The following PCDHGA1 variants were observed in gnomAD, a reference collection of about 807,000 sequenced individuals.
PCDHGA1 encodes protocadherin gamma-A1.
In PCDHGA1, 32 loss-of-function variants were observed where a neutral mutation model predicts 58.0. The ratio of observed to expected loss-of-function variants is 0.55; its 90% confidence interval spans 0.42 to 0.74. The LOEUF (loss-of-function observed/expected upper bound fraction) is 0.74. PCDHGA1 is among the 30% of genes least tolerant of loss of function. The pLI is 0.00. For missense variants in PCDHGA1, 1,205 were observed against 1,182.3 expected (o/e 1.02, Z -0.28); for synonymous variants, 498 against 501.1 (o/e 0.99, Z 0.08).
chr5:141,415,920 G>T, intron 1 of PCDHGA1: 1 of 692,798 alleles, frequency 1.4e-6, no homozygotes, highest in Non-Finnish European at 2.0e-6. Context: ...AGAAGTGCCT[G>T]TCAATTTATA....
chr5:141,476,665 C>T lies in PCDHGA1; in HGVS notation c.2422-18142C>T. On this transcript the variant is annotated intron_variant, in intron 1 of 3. Coordinates refer to ENST00000517417, the MANE Select transcript of PCDHGA1 (RefSeq NM_018912.3). This position sits in a 1 kb window ranked among gnomAD's most constrained non-coding sequence, Gnocchi z 7.6. ...GCCGAAATGAATACTTTGCGCTTCG[C>T]GTGCAGACGCGGGAGGACAGCACCA... 6.2e-7 allele frequency: 1 copy of T among 1,614,240 alleles called. No homozygotes were observed. Among genetic ancestry groups the T allele is most frequent in the East Asian group, 2.2e-5 (1 of 44,882 alleles).
chr5:141,370,033 T>C (rs887540311), intron 1 of PCDHGA1, among the ~76,000 whole-genome samples: 10 of 152,232 alleles, frequency 6.6e-5, no homozygotes, highest in African/African-American at 2.4e-4. Context: ...ATATAGTAAG[T>C]ATATTTAATG....
At chr5:141,429,408 T>A (rs2097213256) in intron 1 of PCDHGA1, among the ~76,000 whole-genome samples, 1 of 151,838 alleles carries the variant, frequency 6.6e-6, no homozygotes, top group Non-Finnish European at 1.5e-5. Flanking sequence ...GAGATTAAGG[T>A]CTCATTATGT....
chr5:141,447,389 C>T (rs1467715872), intron 1 of PCDHGA1, among the ~76,000 whole-genome samples: 1 of 152,150 alleles, frequency 6.6e-6, no homozygotes, highest in African/African-American at 2.4e-5. Context: ...CTGCCCACCT[C>T]GGCCTCCCAA....
intron 1 of PCDHGA1, among the ~76,000 whole-genome samples, chr5:141,448,516 A>T (rs1210489939): frequency 3.9e-5 from 6 of 152,152 alleles, no homozygotes; most frequent in Non-Finnish European, 8.8e-5. Flanking sequence ...TTATAACTTT[A>T]TTAAGCATCC....
Position 141,491,795 on chromosome 5 carries a change from C to T in PCDHGA1, c.2422-3012C>T. On this transcript the variant is annotated intron_variant, in intron 1 of 3. Coordinates refer to ENST00000517417, the MANE Select transcript of PCDHGA1 (RefSeq NM_018912.3). This position sits in a 1 kb window ranked among gnomAD's most constrained non-coding sequence, Gnocchi z 6.9. ...GGATTGAACTTGCATCCACTCCTCT[C>T]CGGCCGGCTTGGTCGCTGGCTGCGC... 6 of 1,511,694 alleles carry T rather than the reference C, an allele frequency of 4.0e-6. No individual in the cohort carries two copies. Among genetic ancestry groups the T allele is most frequent in the Non-Finnish European group, 5.3e-6 (6 of 1,130,430 alleles). 93.6% of individuals were successfully genotyped at this position (1,511,694 alleles called of 1,614,324 possible).
intron 1 of PCDHGA1, among the ~76,000 whole-genome samples, chr5:141,446,719 G>C (rs899985752): frequency 2.6e-5 from 4 of 152,056 alleles, no homozygotes; most frequent in Admixed American, 1.3e-4. Flanking sequence ...TGCCCGCCTC[G>C]GCCTCCCAAA....
At chr5:141,419,586 A>T (rs1440548961) in intron 1 of PCDHGA1, 1 of 1,611,696 alleles carries the variant, frequency 6.2e-7, no homozygotes, top group Non-Finnish European at 8.5e-7. Context: ...GCGCTCTTCG[A>T]CACAGTGCCG....
chr5:141,467,535 G>C (rs2099145685), intron 1 of PCDHGA1, among the ~76,000 whole-genome samples: 1 of 152,176 alleles, frequency 6.6e-6, no homozygotes, highest in South Asian at 2.1e-4. Flanking sequence ...GCTGAGATAT[G>C]GATCTGATTA....
At chr5:141,478,287 G>C (rs777542913) in intron 1 of PCDHGA1, 1 of 1,614,154 alleles carries the variant, frequency 6.2e-7, no homozygotes, top group South Asian at 1.1e-5. Context: ...AAGCAGTCTA[G>C]AGACCTATAC....
At chr5:141,388,793 T>A (rs1441605740) in intron 1 of PCDHGA1, 2 of 1,613,918 alleles carry the variant, frequency 1.2e-6, no homozygotes, top group Admixed American at 3.3e-5. Flanking sequence ...CTGTTTTAAA[T>A]ACATTAGATT....
At chr5:141,392,728 G>T in intron 1 of PCDHGA1, 1 of 1,407,730 alleles carries the variant, frequency 7.1e-7, no homozygotes, top group Non-Finnish European at 9.3e-7. Context: ...CCGGAGGATT[G>T]TCATCTCCAT....
At chr5:141,374,357 C>T (rs1490017184) in intron 1 of PCDHGA1, 1 of 1,614,018 alleles carries the variant, frequency 6.2e-7, no homozygotes, top group South Asian at 1.1e-5. Context: ...TAGGATAGAC[C>T]GCGAGGAGCT....
intron 1 of PCDHGA1, among the ~76,000 whole-genome samples, chr5:141,470,451 T>C (rs2099230860): frequency 6.6e-6 from 1 of 152,210 alleles, no homozygotes; most frequent in Non-Finnish European, 1.5e-5. Context: ...AATAGCATCT[T>C]GAATAGGATT....
chr5:141,462,431 T>G (rs1345184304), intron 1 of PCDHGA1, among the ~76,000 whole-genome samples: 1 of 152,246 alleles, frequency 6.6e-6, no homozygotes, highest in East Asian at 1.9e-4. Context: ...TGGTGAGTGT[T>G]GCTTACACAC....
chr5:141,398,087 G>T (rs1377881034), intron 1 of PCDHGA1: 1 of 1,599,430 alleles, frequency 6.3e-7, no homozygotes, highest in African/African-American at 1.3e-5. Flanking sequence ...TTGTAACCTG[G>T]CGTCTCCAGG....
chr5:141,399,165 T>C (rs1423083245), intron 1 of PCDHGA1: 1 of 1,613,774 alleles, frequency 6.2e-7, no homozygotes, highest in South Asian at 1.1e-5. Context: ...TTACATTCCA[T>C]TCTCTACTTG....
intron 1 of PCDHGA1, chr5:141,395,898 GC>G (rs1337402820): frequency 6.6e-6 from 1 of 151,994 alleles, no homozygotes; most frequent in Non-Finnish European, 1.5e-5. Context: ...TGGGCTCCAT[GC>G]CCATGGAGAC....
Position 141,432,123 on chromosome 5 carries a change from C to G in PCDHGA1, c.2422-62684C>G, listed in dbSNP as rs1224794803. On this transcript the variant is annotated intron_variant, in intron 1 of 3. Transcript: ENST00000517417. This position sits in a 1 kb window ranked among gnomAD's most constrained non-coding sequence, Gnocchi z 6.0. ...GACAACCCGCCGGTCTTCCCTCAGG[C>G]CTCCTATTCCGCTTATATCCCAGAG... 1 of 1,614,172 alleles carries G rather than the reference C, an allele frequency of 6.2e-7. No homozygotes were observed. Among genetic ancestry groups the G allele is most frequent in the Admixed American group, 1.7e-5 (1 of 60,022 alleles).
Sources: allele counts gnomAD v4.1 joint callset (sites outside exome capture counted in the v4.1 genomes callset), GRCh38; gene constraint gnomAD v4.1.1; non-coding constraint Gnocchi (gnomAD v3.1); transcripts MANE v1.5; gene names NCBI Gene and HGNC (gene_info 2026-07-23, HGNC 2026-07-21).